Variants in KCNH5 observed in about 807,000 individuals in gnomAD.
KCNH5 encodes voltage-gated delayed rectifier potassium channel KCNH5.
Under a neutral mutation model 96.1 loss-of-function variants are expected in KCNH5, and 46 were observed. That is an observed-to-expected ratio of 0.48 (90% CI 0.38 to 0.61). The LOEUF (loss-of-function observed/expected upper bound fraction) is 0.61, where lower values mean the gene tolerates loss of function less well. Ranked by LOEUF, KCNH5 falls within the 20% of genes least tolerant of loss-of-function variation. The probability of loss-of-function intolerance (pLI) is 0.00; values close to 1 mark genes in which losing one functional copy is unlikely to be tolerated. For missense variants in KCNH5, 907 were observed against 1,225.8 expected (o/e 0.74, Z 3.88); for synonymous variants, 439 against 449.8 (o/e 0.98, Z 0.30).
At chr14:62,907,900 A>C (rs1889061097) in intron 7 of KCNH5, among the ~76,000 whole-genome samples, 1 of 152,224 alleles carries the variant, frequency 6.6e-6, no homozygotes, top group South Asian at 2.1e-4. Context: ...TCCTGCTGTT[A>C]GTCACATGAG....
At chr14:62,986,752 G>A (rs1478335021) in intron 5 of KCNH5, among the ~76,000 whole-genome samples, 1 of 152,114 alleles carries the variant, frequency 6.6e-6, no homozygotes, top group African/African-American at 2.4e-5. Context: ...TTTGCAGAGT[G>A]CCAAGCACAG....
At chr14:62,879,579 A>C (rs1359132160) in intron 7 of KCNH5, among the ~76,000 whole-genome samples, 2 of 152,118 alleles carry the variant, frequency 1.3e-5, no homozygotes, top group Non-Finnish European at 2.9e-5. Flanking sequence ...ATTTAGGCAT[A>C]TTTCAAGCCT....
chr14:62,749,871 G>C (rs1164338965), intron 10 of KCNH5, among the ~76,000 whole-genome samples: 1 of 152,158 alleles, frequency 6.6e-6, no homozygotes, highest in Non-Finnish European at 1.5e-5. Context: ...AATTCCTAAG[G>C]CTGAAGATAT....
chr14:62,705,145 G>C lies in KCNH5; in HGVS notation c.*2363C>G, dbSNP rs545247215. ...CACATATATGAACAATAACATTGTA[G>C]GTCGATTAGGTGAAACTCTACGTCA... On this transcript the variant is annotated 3_prime_UTR_variant, in exon 11 of 11. Transcript: ENST00000322893. 2.6e-5 allele frequency: 4 copies of C among 152,070 alleles called. No individual in the cohort carries two copies. The highest frequency in any genetic ancestry group is 5.9e-5 in the Non-Finnish European group (4 of 67,842). The allele number at this position is 152,070 out of a possible 1,614,324, so 9.4% of individuals were successfully genotyped here. A position where few individuals can be genotyped will look rare whatever the true frequency, so the allele number is the denominator to read the frequency against.
chr14:62,908,647 C>T (rs1877920454), intron 7 of KCNH5, among the ~76,000 whole-genome samples: 1 of 152,112 alleles, frequency 6.6e-6, no homozygotes, highest in Non-Finnish European at 1.5e-5. Context: ...TAACACTTCA[C>T]ATGTGTCCAG....
At position 62,876,690 on chromosome 14, in the gene KCNH5, G is replaced by A. The variant is rs183229521; in HGVS notation, c.1370-26838C>T. 1.4e-4 allele frequency among the ~76,000 whole-genome samples: 21 copies of A among 152,180 alleles called. No homozygotes were observed. The East Asian group carries it at 3.9e-3, about 28-fold the overall frequency. On this transcript the variant is annotated intron_variant, in intron 7 of 10. Transcript: ENST00000322893. The stretch of plus-strand genomic sequence containing the variant: ...CACAAAACCTCACATACTATATAGC[G>A]ACCTTTATCAAGACAACAGGGTATT...
At chr14:62,919,218 T>G (rs966554331) in intron 7 of KCNH5, among the ~76,000 whole-genome samples, 1 of 152,164 alleles carries the variant, frequency 6.6e-6, no homozygotes, top group East Asian at 1.9e-4. Flanking sequence ...CTTCCAATTA[T>G]TCTGATTTCT....
At chr14:62,830,631 C>T (rs960836776) in intron 8 of KCNH5, among the ~76,000 whole-genome samples, 1 of 149,170 alleles carries the variant, frequency 6.7e-6, no homozygotes, top group African/African-American at 2.4e-5. Flanking sequence ...TGGAGGAAAC[C>T]ACCCCCCGAT....
rs569062612 is a variant in KCNH5, at chr14:62,708,973, C to T, written c.2020-518G>A. ...AATATTATCCTCTGTTGGCCGGGCG[C>T]GGCGGCTCACGCCTGTAATCCCAGC... On this transcript the variant is annotated intron_variant, in intron 10 of 10. Coordinates refer to ENST00000322893, the MANE Select transcript of KCNH5 (RefSeq NM_139318.5). Among the ~76,000 whole-genome samples the T allele has an allele frequency of 2.7e-3, 405 of 152,176 alleles. 1 individual carries two copies. The highest frequency in any genetic ancestry group is 4.8e-3 in the Non-Finnish European group (324 of 68,002).
intron 7 of KCNH5, among the ~76,000 whole-genome samples, chr14:62,908,689 T>C (rs1889077840): frequency 6.6e-6 from 1 of 151,736 alleles, no homozygotes; most frequent in Admixed American, 6.6e-5. Flanking sequence ...TTGTCCTGTG[T>C]GACTTCGCTG....
intron 8 of KCNH5, among the ~76,000 whole-genome samples, chr14:62,810,172 C>A (rs545764226): frequency 7.7e-4 from 117 of 152,114 alleles, no homozygotes; most frequent in Admixed American, 2.4e-3. Context: ...CCAGATATCA[C>A]CTCTTGTCGA....
rs1884325949 is a variant in KCNH5, at chr14:62,700,188, T to C, written c.*7320A>G. On this transcript the variant is annotated 3_prime_UTR_variant, in exon 11 of 11. Coordinates refer to ENST00000322893, the MANE Select transcript of KCNH5 (RefSeq NM_139318.5). ...AAAAAGAACTCTATAATTTTCAATATATCGTGAATCTGCACATTTTGTGTT... is the reference window on the plus strand; with the variant it reads ...AAAAAGAACTCTATAATTTTCAATACATCGTGAATCTGCACATTTTGTGTT... 1 of 152,232 alleles carries C rather than the reference T, an allele frequency of 6.6e-6. No homozygotes were observed. The highest frequency in any genetic ancestry group is 2.1e-4 in the South Asian group (1 of 4,832). 9.4% of individuals were successfully genotyped at this position (152,232 alleles called of 1,614,324 possible).
At chr14:62,789,162 A>G (rs138553772) in intron 9 of KCNH5, among the ~76,000 whole-genome samples, 95 of 152,192 alleles carry the variant, frequency 6.2e-4, no homozygotes, top group South Asian at 5.8e-3. Flanking sequence ...GATTCTACAT[A>G]TAAGTGAGAT....
intron 6 of KCNH5, among the ~76,000 whole-genome samples, chr14:62,972,843 G>T (rs1399324736): frequency 6.6e-6 from 1 of 152,078 alleles, no homozygotes; most frequent in Non-Finnish European, 1.5e-5. Context: ...TGGTTGCCAC[G>T]GATAAGCAGA....
In KCNH5 at chr14:62,740,526, GA is replaced by G. The variant is rs1885250511; in HGVS notation, c.2020-32072del. Among the ~76,000 whole-genome samples the G allele has an allele frequency of 2.0e-5, 3 of 152,018 alleles. No individual in the cohort carries two copies. In the South Asian group the frequency reaches 6.2e-4, roughly 32 times the overall value. On this transcript the variant is annotated intron_variant, in intron 10 of 10. Coordinates refer to ENST00000322893, the MANE Select transcript of KCNH5 (RefSeq NM_139318.5). ...TTGCCCTTTCTTTTCACGGCACTCC[GA>G]AAAACTTCCTGAGCCATGAAGCTAG...
At chr14:62,718,358 C>T (rs1477824309) in intron 10 of KCNH5, among the ~76,000 whole-genome samples, 1 of 151,622 alleles carries the variant, frequency 6.6e-6, no homozygotes, top group African/African-American at 2.4e-5. Context: ...TATTATAACT[C>T]AGAAATAAAA....
intron 1 of KCNH5, among the ~76,000 whole-genome samples, chr14:63,017,521 C>T (rs1225120441): frequency 1.3e-5 from 2 of 151,590 alleles, no homozygotes; most frequent in East Asian, 3.9e-4. Context: ...CCACATAATA[C>T]AGATAATTTA....
At chr14:62,783,689 C>A (rs951148195) in intron 9 of KCNH5, among the ~76,000 whole-genome samples, 1 of 151,928 alleles carries the variant, frequency 6.6e-6, no homozygotes, top group Non-Finnish European at 1.5e-5. Flanking sequence ...TTAATGATAA[C>A]CCTAGATTTT....
chr14:62,718,225 A>G (rs1386509270), intron 10 of KCNH5, among the ~76,000 whole-genome samples: 3 of 152,104 alleles, frequency 2.0e-5, no homozygotes, highest in African/African-American at 7.2e-5. Context: ...GTTCAATAGA[A>G]GCCCCAACCT....
Sources: allele counts gnomAD v4.1 joint callset (sites outside exome capture counted in the v4.1 genomes callset), GRCh38; gene constraint gnomAD v4.1.1; transcripts MANE v1.5; gene names NCBI Gene and HGNC (gene_info 2026-07-23, HGNC 2026-07-21).